The following SLC44A5 variants were observed in gnomAD, a reference collection of about 807,000 sequenced individuals.
SLC44A5 encodes solute carrier family 44 member 5.
In SLC44A5, 57 loss-of-function variants were observed where a neutral mutation model predicts 101.8. That is an observed-to-expected ratio of 0.56 (90% confidence interval 0.45 to 0.70). The LOEUF (loss-of-function observed/expected upper bound fraction) is 0.70, where lower values mean the gene tolerates loss of function less well. Among genes scored for constraint, SLC44A5 ranks in the 30% least tolerant of loss-of-function variants. The pLI is 0.00. For missense variants in SLC44A5, 737 were observed against 853.1 expected, an observed-to-expected ratio of 0.86 and a Z score of 1.70; for synonymous variants, 281 against 290.9, an observed-to-expected ratio of 0.97 and a Z score of 0.35.
At chr1:75,605,902 C>G (rs545276413) in intron 1 of SLC44A5, among the ~76,000 whole-genome samples, 1 of 152,100 alleles carries the variant, frequency 6.6e-6, no homozygotes, top group East Asian at 1.9e-4. Flanking sequence ...CCCATAGCTT[C>G]TCAGCCTTGG....
At chr1:75,500,656 T>C (rs1218680585) in intron 2 of SLC44A5, among the ~76,000 whole-genome samples, 1 of 152,200 alleles carries the variant, frequency 6.6e-6, no homozygotes, top group Non-Finnish European at 1.5e-5. Flanking sequence ...GTAGATATTT[T>C]GACTGATACA....
intron 5 of SLC44A5, among the ~76,000 whole-genome samples, chr1:75,291,602 A>G (rs1019592148): frequency 6.6e-6 from 1 of 152,070 alleles, no homozygotes; most frequent in African/African-American, 2.4e-5. Flanking sequence ...GACCTCAAAA[A>G]CGAATAGAGG....
chr1:75,530,446 C>T (rs1670653996), intron 2 of SLC44A5, among the ~76,000 whole-genome samples: 1 of 152,140 alleles, frequency 6.6e-6, no homozygotes, highest in South Asian at 2.1e-4. Flanking sequence ...ATCAACCTTT[C>T]AGGGTTCAAA....
At position 75,379,158 on chromosome 1, in the gene SLC44A5, G is replaced by A. The variant is rs1272880669; in HGVS notation, c.52+17425C>T. 2.7e-5 allele frequency among the ~76,000 whole-genome samples: 2 copies of A among 73,732 alleles called. 1 individual carries two copies. The highest frequency in any genetic ancestry group is 4.4e-5 in the Non-Finnish European group (2 of 45,576). The allele number at this position is 73,732 out of a possible 152,430, so 48.4% of individuals were successfully genotyped here. A position where few individuals can be genotyped will look rare whatever the true frequency, so the allele number is the denominator to read the frequency against. On this transcript the variant is annotated intron_variant, in intron 3 of 23. Transcript: ENST00000370859. ...AAAATGCTAAAAGATATGAAAGAGG[G>A]AGTAAAACAGTATGGACCCAACTCT...
chr1:75,426,117 G>A (rs1664292553), intron 2 of SLC44A5, among the ~76,000 whole-genome samples: 1 of 152,112 alleles, frequency 6.6e-6, no homozygotes, highest in Non-Finnish European at 1.5e-5. Flanking sequence ...AAAAAGAAAC[G>A]CTGAAAAATG....
In SLC44A5 at chr1:75,203,792, A is replaced by G. The variant is rs1256788499; in HGVS notation, c.2089T>C (p.Tyr697His). ...TTCAGCAAAGGTTGACTCACATAAT[A>G]AGGTCTTGCAGTAGAACCATCATTT... is the stretch of plus-strand genomic sequence containing the variant. ...ERNDGSTARP[Y>H]YVSQPLLKIF... Residue 697 changes from tyrosine (Y) to histidine (H), a missense_variant, in exon 24 of 24, where the codon TAT (tyrosine) becomes CAT (histidine). Around this residue, in one of 3 missense-constraint regions of SLC44A5, gnomAD observed 61 missense variants for 56.5 expected, o/e 1.08. Coordinates refer to ENST00000370859, the MANE Select transcript of SLC44A5 (RefSeq NM_001130058.2). 1.3e-6 allele frequency: 2 copies of G among 1,550,030 alleles called. No homozygotes were observed. Among genetic ancestry groups the G allele is most frequent in the Admixed American group, 3.9e-5 (2 of 50,706 alleles).
chr1:75,722,268 G>T, the SLC44A5 span, among the ~76,000 whole-genome samples: 1 of 152,098 alleles, frequency 6.6e-6, no homozygotes, highest in Non-Finnish European at 1.5e-5. Flanking sequence ...TGAAGTAGAG[G>T]TTCCTCTTCA....
intron 3 of SLC44A5, among the ~76,000 whole-genome samples, chr1:75,347,588 CTATTGTATTATCCA>C (rs1193262510): frequency 1.9e-4 from 29 of 151,822 alleles, no homozygotes; most frequent in African/African-American, 6.8e-4. Flanking sequence ...TACATACAAC[CTATTGTATTATCCA>C]TTATAAGCTG....
At chr1:75,574,791 C>T (rs1265545360) in intron 1 of SLC44A5, among the ~76,000 whole-genome samples, 1 of 152,142 alleles carries the variant, frequency 6.6e-6, no homozygotes, top group South Asian at 2.1e-4. Flanking sequence ...ATTATTTCAA[C>T]AATAAAAGGT....
chr1:75,287,001 G>C (rs554667101), intron 5 of SLC44A5, among the ~76,000 whole-genome samples: 1 of 152,206 alleles, frequency 6.6e-6, no homozygotes, highest in South Asian at 2.1e-4. Flanking sequence ...AGCAAGGGCA[G>C]GGAAGTTTTC....
At chr1:75,478,291 C>A (rs1379402224) in intron 2 of SLC44A5, among the ~76,000 whole-genome samples, 2 of 152,186 alleles carry the variant, frequency 1.3e-5, no homozygotes, top group Admixed American at 6.5e-5. Context: ...CCAGCCACTG[C>A]AAAATCATGC....
intron 3 of SLC44A5, among the ~76,000 whole-genome samples, chr1:75,373,958 G>A (rs771905666): frequency 2.0e-5 from 3 of 152,198 alleles, no homozygotes; most frequent in Non-Finnish European, 4.4e-5. Flanking sequence ...CACTGAGGGA[G>A]TGTGGCCTGT....
intron 2 of SLC44A5, chr1:75,522,271 C>G (rs1030034345): frequency 3.3e-5 from 5 of 151,560 alleles, no homozygotes; most frequent in African/African-American, 1.2e-4. Flanking sequence ...GTATAATGCA[C>G]CAGTGTGTTA....
At chr1:75,654,477 C>G in the SLC44A5 span, among the ~76,000 whole-genome samples, 1 of 152,124 alleles carries the variant, frequency 6.6e-6, no homozygotes, top group Non-Finnish European at 1.5e-5. Context: ...GATACACAAT[C>G]TGGAGGCTGG....
the SLC44A5 span, among the ~76,000 whole-genome samples, chr1:75,656,623 A>T: frequency 2.0e-5 from 3 of 152,264 alleles, no homozygotes; most frequent in East Asian, 3.9e-4. Flanking sequence ...TAACTATAAG[A>T]TTTTTTTGTA....
chr1:75,563,365 G>A (rs1672623859), intron 1 of SLC44A5, among the ~76,000 whole-genome samples: 1 of 151,818 alleles, frequency 6.6e-6, no homozygotes, highest in African/African-American at 2.4e-5. Context: ...ATGAGTAAAT[G>A]TGTCACACCT....
At chr1:75,322,241 G>A (rs1656214615) in intron 4 of SLC44A5, among the ~76,000 whole-genome samples, 1 of 152,166 alleles carries the variant, frequency 6.6e-6, no homozygotes, top group Non-Finnish European at 1.5e-5. Flanking sequence ...GAACCCAGAA[G>A]GTGGAGGTTG....
intron 2 of SLC44A5, among the ~76,000 whole-genome samples, chr1:75,449,778 G>A (rs1158035138): frequency 4.6e-5 from 7 of 152,052 alleles, no homozygotes; most frequent in African/African-American, 9.7e-5. Context: ...CGAGAAGGGC[G>A]GATCACAAGG....
the SLC44A5 span, among the ~76,000 whole-genome samples, chr1:75,701,135 G>T: frequency 6.6e-6 from 1 of 152,100 alleles, no homozygotes; most frequent in Non-Finnish European, 1.5e-5. Context: ...GAAAAAGAGG[G>T]AATCCTCCCT....
Sources: allele counts gnomAD v4.1 joint callset (sites outside exome capture counted in the v4.1 genomes callset), GRCh38; gene constraint gnomAD v4.1.1; regional missense constraint gnomAD v4.1.1; transcripts MANE v1.5; gene names NCBI Gene and HGNC (gene_info 2026-07-23, HGNC 2026-07-21).